PCDHGB1: variants seen among roughly 807,000 people sequenced by gnomAD.
The protein encoded by PCDHGB1 is protocadherin gamma-B1.
A neutral mutation model predicts 56.6 loss-of-function variants in PCDHGB1; 34 were observed. That is an observed-to-expected ratio of 0.60 (90% confidence interval 0.46 to 0.80). The LOEUF (loss-of-function observed/expected upper bound fraction) is 0.80, where lower values mean the gene tolerates loss of function less well. Among genes scored for constraint, PCDHGB1 ranks in the 30% least tolerant of loss-of-function variants. The pLI is 0.00. For synonymous variants in PCDHGB1, 561 were observed against 505.9 expected (o/e 1.11, Z -1.46); for missense variants, 1,278 against 1,204.6 (o/e 1.06, Z -0.90).
chr5:141,372,531 C>T (rs767186429), intron 1 of PCDHGB1: 1 of 1,614,032 alleles, frequency 6.2e-7, no homozygotes, highest in South Asian at 1.1e-5. Context: ...GGCAATCTCC[C>T]TGCGCCTGCG....
In PCDHGB1 at chr5:141,491,276, A is replaced by G; in HGVS notation, c.2410-3531A>G. The G allele has an allele frequency of 6.2e-7, 1 of 1,614,104 alleles. No individual in the cohort carries two copies. On this transcript the variant is annotated intron_variant, in intron 1 of 3. Coordinates refer to ENST00000523390, the MANE Select transcript of PCDHGB1 (RefSeq NM_018922.3). The surrounding 1 kb of genome is among the most constrained non-coding windows in gnomAD (Gnocchi z 6.9). ...CCTGAGGAAATGCCCAAATCCAGTG[A>G]CTTCCTCATACACCCTCCTGAGCGT...
chr5:141,494,237 G>A (rs555725765), intron 1 of PCDHGB1, among the ~76,000 whole-genome samples: 3 of 152,312 alleles, frequency 2.0e-5, no homozygotes, highest in East Asian at 3.9e-4. Flanking sequence ...AATTAATAAT[G>A]TATTTAGCTG....
chr5:141,398,854 A>C, intron 1 of PCDHGB1: 1 of 1,613,984 alleles, frequency 6.2e-7, no homozygotes, highest in Non-Finnish European at 8.5e-7. Flanking sequence ...CCCGGTATTC[A>C]ACCGAGACGT....
intron 1 of PCDHGB1, chr5:141,375,310 T>C: frequency 6.2e-7 from 1 of 1,613,814 alleles, no homozygotes; most frequent in Non-Finnish European, 8.5e-7. Context: ...CAAATGCAGC[T>C]CTAGACCGGG....
At chr5:141,408,917 C>T (rs549266523) in intron 1 of PCDHGB1, 2 of 1,613,248 alleles carry the variant, frequency 1.2e-6, no homozygotes, top group Non-Finnish European at 8.5e-7. Context: ...CAATGATAAC[C>T]CCCCGGTTTT....
chr5:141,455,502 A>G (rs888549465), intron 1 of PCDHGB1, among the ~76,000 whole-genome samples: 12 of 152,206 alleles, frequency 7.9e-5, no homozygotes, highest in African/African-American at 2.7e-4. Flanking sequence ...TCTGATTTGC[A>G]TAGGGCTCAG....
chr5:141,361,078 T>C (rs898442312), intron 1 of PCDHGB1: 6 of 1,613,886 alleles, frequency 3.7e-6, no homozygotes, highest in Admixed American at 1.7e-5. Context: ...TGCAAGTAGT[T>C]ACACTCTGAG....
At chr5:141,492,755 C>T (rs938918009) in intron 1 of PCDHGB1, among the ~76,000 whole-genome samples, 3 of 152,262 alleles carry the variant, frequency 2.0e-5, no homozygotes, top group African/African-American at 7.2e-5. Flanking sequence ...CGCGGCAGGG[C>T]TCCGCGTTGG....
intron 1 of PCDHGB1, among the ~76,000 whole-genome samples, chr5:141,492,329 C>T (rs2099739386): frequency 1.3e-5 from 2 of 152,232 alleles, no homozygotes; most frequent in African/African-American, 4.8e-5. Context: ...CGTGGGCTTA[C>T]GCGAATACCA....
intron 1 of PCDHGB1, chr5:141,376,019 G>A (rs765198459): frequency 7.3e-5 from 117 of 1,613,176 alleles, no homozygotes; most frequent in African/African-American, 9.3e-5. Context: ...AGTGGTGGCC[G>A]TCCAGGACCA....
intron 1 of PCDHGB1, chr5:141,397,927 G>C: frequency 1.3e-6 from 1 of 764,054 alleles, no homozygotes. Flanking sequence ...TCCTCGCGCA[G>C]CCGCAGCGCG....
intron 1 of PCDHGB1, chr5:141,389,310 G>A: frequency 6.2e-7 from 1 of 1,614,018 alleles, no homozygotes; most frequent in Non-Finnish European, 8.5e-7. Context: ...CAGGGCTTCT[G>A]ATCCGGACTT....
intron 2 of PCDHGB1, among the ~76,000 whole-genome samples, chr5:141,495,720 G>A (rs1048453188): frequency 2.6e-5 from 4 of 152,080 alleles, no homozygotes; most frequent in Non-Finnish European, 5.9e-5. Context: ...GTAACTACAC[G>A]GGACCCTTAG....
chr5:141,352,556 C>G lies in PCDHGB1; in HGVS notation c.2296C>G (p.Leu766Val). ...SAKTEFNSLN[L>V]TPEMAPPQDL... ...AAAGACAGAGTTTAATTCTCTCAAC[C>G]TGACACCGGAAATGGCTCCCCCTCA... Residue 766 changes from leucine to valine, a missense_variant, in exon 1 of 4, where the codon CTG becomes GTG. By Grantham distance (32) the Leu-to-Val change is conservative. Transcript: ENST00000523390. 1 of 1,613,980 alleles carries G rather than the reference C, an allele frequency of 6.2e-7. No individual in the cohort carries two copies. Among genetic ancestry groups the G allele is most frequent in the Non-Finnish European group, 8.5e-7 (1 of 1,179,888 alleles).
At chr5:141,399,656 T>G in intron 1 of PCDHGB1, 1 of 1,613,694 alleles carries the variant, frequency 6.2e-7, no homozygotes, top group Non-Finnish European at 8.5e-7. Context: ...AGTGGGGTGG[T>G]GTTCGCGCAG....
At chr5:141,478,497 C>T in intron 1 of PCDHGB1, 1 of 1,612,820 alleles carries the variant, frequency 6.2e-7, no homozygotes, top group Non-Finnish European at 8.5e-7. Context: ...AGCTGTGATC[C>T]GGTGTTCTAT....
intron 1 of PCDHGB1, among the ~76,000 whole-genome samples, chr5:141,453,258 T>A (rs1336801456): frequency 1.6e-4 from 25 of 152,096 alleles, no homozygotes; most frequent in Admixed American, 1.6e-3. Flanking sequence ...GGGCTGCAAG[T>A]GCACACCACC....
chr5:141,421,424 G>T lies in PCDHGB1; in HGVS notation c.2409+68755G>T, dbSNP rs369037131. 2.2e-5 allele frequency: 35 copies of T among 1,613,974 alleles called. No individual in the cohort carries two copies. The African/African-American group carries it at 3.9e-4, about 18-fold the overall frequency. ...CGGGAGCTGGCGAAGCGCGGAGTCC[G>T]CATCGTCTCCAGAGGGAAGACACAG... is the stretch of plus-strand genomic sequence containing the variant. On this transcript the variant is annotated intron_variant, in intron 1 of 3. Transcript: ENST00000523390.
intron 1 of PCDHGB1, among the ~76,000 whole-genome samples, chr5:141,472,889 G>A (rs1163806093): frequency 6.6e-6 from 1 of 151,392 alleles, no homozygotes; most frequent in Non-Finnish European, 1.5e-5. Context: ...GGGAGGCTGA[G>A]GCAGGAGAAT....
Sources: allele counts gnomAD v4.1 joint callset (sites outside exome capture counted in the v4.1 genomes callset), GRCh38; gene constraint gnomAD v4.1.1; non-coding constraint Gnocchi (gnomAD v3.1); transcripts MANE v1.5; gene names NCBI Gene and HGNC (gene_info 2026-07-23, HGNC 2026-07-21).